Variants in SYT6 observed in about 807,000 individuals in gnomAD.
SYT6 encodes the protein synaptotagmin-6.
Under a neutral mutation model 38.4 loss-of-function variants are expected in SYT6, and 24 were observed. That is an observed-to-expected ratio of 0.62 (90% confidence interval 0.45 to 0.88). The LOEUF is 0.88. Ranked by LOEUF, SYT6 falls within the 40% of genes least tolerant of loss-of-function variation. The pLI, the probability that SYT6 is intolerant of heterozygous loss-of-function variation, is 0.00. For synonymous variants in SYT6, 265 were observed against 241.9 expected, an observed-to-expected ratio of 1.10 and a Z score of -0.89; for missense variants, 611 against 621.0, an observed-to-expected ratio of 0.98 and a Z score of 0.17.
rs4556356 is a variant in SYT6 at position 114,153,794 on chromosome 1, C to G, written c.-22G>C. On this transcript the variant is annotated 5_prime_UTR_variant, in exon 1 of 8. Coordinates refer to ENST00000610222, the MANE Select transcript of SYT6 (RefSeq NM_001253772.2). ...TCATGCCCTAGACACCCAGGCTTGC[C>G]GAGCAGCAGCTCGAACCCGCGCCCC... 1.1e-3 allele frequency: 705 copies of G among 644,816 alleles called. 2 individuals carry two copies. Among genetic ancestry groups the G allele is most frequent in the Admixed American group, 2.4e-3 (99 of 41,074 alleles). The allele number at this position is 644,816 out of a possible 1,614,324, so 39.9% of individuals were successfully genotyped here. A position where few individuals can be genotyped will look rare whatever the true frequency, so the allele number is the denominator to read the frequency against.
rs777670870 is a variant in SYT6 at position 114,137,995 on chromosome 1, C to G, written c.571G>C (p.Gly191Arg). The change falls in exon 3 of 8, where the codon GGC becomes CGC. Residue 191 changes from glycine to arginine, a missense_variant. Coordinates refer to ENST00000610222, the MANE Select transcript of SYT6 (RefSeq NM_001253772.2). ...TCTGCTGCTGGTGGAAGCTCATTGCCATAGTCTACACTGGAGACATGCATC... is the reference window on the plus strand; with the variant it reads ...TCTGCTGCTGGTGGAAGCTCATTGCGATAGTCTACACTGGAGACATGCATC... ...RQMHVSSVDY[G>R]NELPPAAEQP... The G allele has an allele frequency of 3.3e-5, 53 of 1,613,866 alleles. No homozygotes were observed. Among genetic ancestry groups the G allele is most frequent in the Non-Finnish European group, 4.3e-5 (51 of 1,180,008 alleles).
At chr1:114,151,510 C>G (rs940050416) in intron 1 of SYT6, among the ~76,000 whole-genome samples, 4 of 152,144 alleles carry the variant, frequency 2.6e-5, no homozygotes, top group African/African-American at 9.7e-5. Flanking sequence ...ACCTGTGCCT[C>G]CCCCTACCAA....
At chr1:114,138,873 C>A (rs1243555104) in intron 2 of SYT6, among the ~76,000 whole-genome samples, 1 of 152,204 alleles carries the variant, frequency 6.6e-6, no homozygotes, top group African/African-American at 2.4e-5. Flanking sequence ...TCAGTGTGAC[C>A]TCCCAGCATG....
intron 4 of SYT6, 56 bp downstream of exon 4, chr1:114,103,545 C>T: frequency 6.2e-7 from 1 of 1,600,518 alleles, no homozygotes; most frequent in Non-Finnish European, 8.5e-7. Flanking sequence ...CCCCGAACAC[C>T]CTTCCAAATC....
intron 3 of SYT6, among the ~76,000 whole-genome samples, chr1:114,120,819 C>G (rs541419429): frequency 6.6e-6 from 1 of 152,352 alleles, no homozygotes; most frequent in East Asian, 1.9e-4. Flanking sequence ...GCCCCTGGGG[C>G]ACCTGCACTC....
chr1:114,103,691 A>G lies in SYT6; in HGVS notation c.1102T>C (p.Ser368Pro). The change falls in exon 4 of 8, where the codon TCC becomes CCC. Residue 368 changes from serine to proline, a missense_variant. Coordinates refer to ENST00000610222, the MANE Select transcript of SYT6 (RefSeq NM_001253772.2). Reference sequence around the variant, plus strand: ...CCTGCAGTGGGCAGGTAGCAAAGGGAGAACATGATCTCTCCCAAGTCCACG... The same window carrying G: ...CCTGCAGTGGGCAGGTAGCAAAGGGGGAACATGATCTCTCCCAAGTCCACG... ...ESVDLGEIMF[S>P]LCYLPTAGRL... 6.2e-7 allele frequency: 1 copy of G among 1,614,086 alleles called. No homozygotes were observed. Among genetic ancestry groups the G allele is most frequent in the Non-Finnish European group, 8.5e-7 (1 of 1,180,008 alleles).
chr1:114,122,375 G>C (rs977961956), intron 3 of SYT6, among the ~76,000 whole-genome samples: 1 of 152,336 alleles, frequency 6.6e-6, no homozygotes. Context: ...TTGGGGACTG[G>C]AGTCCTCCAG....
At chr1:114,125,728 C>T (rs1677686319) in intron 3 of SYT6, among the ~76,000 whole-genome samples, 1 of 152,150 alleles carries the variant, frequency 6.6e-6, no homozygotes, top group South Asian at 2.1e-4. Flanking sequence ...TTGTCTCCTT[C>T]CTCCTCTAAG....
At chr1:114,131,976 G>A (rs2101070988) in intron 3 of SYT6, among the ~76,000 whole-genome samples, 1 of 152,340 alleles carries the variant, frequency 6.6e-6, no homozygotes, top group Middle Eastern at 3.4e-3. Flanking sequence ...AAGAAACAAT[G>A]TAACCATGCT....
chr1:114,129,575 T>A (rs1462648509), intron 3 of SYT6, among the ~76,000 whole-genome samples: 1 of 101,584 alleles, frequency 9.8e-6, no homozygotes, highest in South Asian at 4.4e-4. Context: ...TTTCTTTCTT[T>A]CTTTCTTTCT....
intron 4 of SYT6, among the ~76,000 whole-genome samples, chr1:114,102,468 A>G (rs541031480): frequency 6.6e-6 from 1 of 152,276 alleles, no homozygotes; most frequent in South Asian, 2.1e-4. Flanking sequence ...GTTACACCTG[A>G]GCCCAGGTGT....
chr1:114,093,075 C>A (rs1024515478), intron 7 of SYT6, among the ~76,000 whole-genome samples: 1 of 152,098 alleles, frequency 6.6e-6, no homozygotes, highest in African/African-American at 2.4e-5. Context: ...TTCTCATGAG[C>A]GTTGAGGGTC....
At chr1:114,136,081 G>T (rs918801324) in intron 3 of SYT6, among the ~76,000 whole-genome samples, 16 of 152,268 alleles carry the variant, frequency 1.1e-4, no homozygotes, top group Middle Eastern at 3.4e-3. Flanking sequence ...GCAAAGGTGG[G>T]GGAGGTACTG....
Position 114,137,577 on chromosome 1 carries a change from T to C in SYT6, c.989A>G (p.Glu330Gly), listed in dbSNP as rs1249203502. ...DRFSRHDMIGEVILDNLFEAS... is the reference protein window; with the variant it reads ...DRFSRHDMIGGVILDNLFEAS... ...CTCAAAGAGGTTGTCCAGGATGACC[T>C]CGCCAATCATGTCATGGCGGGAGAA... is the stretch of plus-strand genomic sequence containing the variant. The change falls in exon 3 of 8, where the codon GAG becomes GGG. Residue 330 changes from glutamate (E) to glycine (G), a missense_variant. Glu to Gly is a moderately conservative substitution (Grantham distance 98). Transcript: ENST00000610222. 1.2e-6 allele frequency: 2 copies of C among 1,614,148 alleles called. No individual in the cohort carries two copies. Among genetic ancestry groups the C allele is most frequent in the Non-Finnish European group, 8.5e-7 (1 of 1,180,034 alleles).
intron 2 of SYT6, 90 bp downstream of exon 2, chr1:114,139,525 G>C: frequency 1.3e-6 from 2 of 1,535,022 alleles, no homozygotes; most frequent in Non-Finnish European, 1.8e-6. Flanking sequence ...ATTATTTCTG[G>C]TCTGTGATCC....
In SYT6 at chr1:114,137,680, C is replaced by T. The variant is rs901283171; in HGVS notation, c.886G>A (p.Glu296Lys). The T allele has an allele frequency of 1.2e-6, 2 of 1,613,780 alleles. No homozygotes were observed. The highest frequency in any genetic ancestry group is 2.7e-5 in the African/African-American group (2 of 74,918). ...TAGGGCACAGGGAAGTGGAAGTTCTCATCAAAGGTGGGGTTCAGGGTCTTG... is the reference window on the plus strand; with the variant it reads ...TAGGGCACAGGGAAGTGGAAGTTCTTATCAAAGGTGGGGTTCAGGGTCTTG... ...HRKTLNPTFD[E>K]NFHFPVPYEE... Residue 296 changes from glutamate to lysine, a missense_variant, in exon 3 of 8, where the codon GAG becomes AAG. Transcript: ENST00000610222.
intron 1 of SYT6, among the ~76,000 whole-genome samples, chr1:114,147,720 A>T (rs1679229124): frequency 6.6e-6 from 1 of 152,262 alleles, no homozygotes; most frequent in Non-Finnish European, 1.5e-5. Flanking sequence ...TGAGCAAGTT[A>T]TTTAACCTGT....
Position 114,119,966 on chromosome 1 carries a change from G to A in SYT6, c.1072-16245C>T, listed in dbSNP as rs186444197. On this transcript the variant is annotated intron_variant, in intron 3 of 7. Coordinates refer to ENST00000610222, the MANE Select transcript of SYT6 (RefSeq NM_001253772.2). Reference sequence around the variant, plus strand: ...GGCACCTGTAGTCCCAGCTACTCGGGCGGCTGAGGCAGGAGAACGGCCTGA... The same window carrying A: ...GGCACCTGTAGTCCCAGCTACTCGGACGGCTGAGGCAGGAGAACGGCCTGA... Among the ~76,000 whole-genome samples, 126 of 152,048 alleles carry A rather than the reference G, an allele frequency of 8.3e-4. 1 individual carries two copies. The highest frequency in any genetic ancestry group is 2.9e-3 in the African/African-American group (122 of 41,458).
intron 3 of SYT6, among the ~76,000 whole-genome samples, chr1:114,124,461 A>G (rs2101049084): frequency 6.6e-6 from 1 of 152,162 alleles, no homozygotes. Context: ...GGGAAGGGAG[A>G]GGGAAGACGA....
Sources: gnomAD v4.1 joint callset for allele counts (sites outside exome capture counted in the v4.1 genomes callset) on GRCh38, gnomAD v4.1.1 for gene constraint, MANE v1.5 for transcripts, NCBI Gene and HGNC (gene_info 2026-07-23, HGNC 2026-07-21) for gene names.